The following COL19A1 variants were observed in gnomAD, a reference collection of about 807,000 sequenced individuals.
COL19A1 encodes the protein collagen type XIX alpha 1 chain.
A neutral mutation model predicts 190.2 loss-of-function variants in COL19A1; 159 were observed. That is an observed-to-expected ratio of 0.84 (90% confidence interval 0.73 to 0.95). The LOEUF is 0.95. COL19A1 is among the 40% of genes least tolerant of loss of function. COL19A1 has a pLI of 0.00. For synonymous variants in COL19A1, 509 were observed against 458.9 expected (o/e 1.11, Z -1.39); for missense variants, 1,418 against 1,431.9 (o/e 0.99, Z 0.16).
Position 69,938,193 on chromosome 6 carries a change from A to G in COL19A1, c.936+93A>G. 5 of 1,173,180 alleles carry G rather than the reference A, an allele frequency of 4.3e-6. No homozygotes were observed. In the South Asian group the frequency reaches 4.3e-5, roughly 10 times the overall value. The allele number at this position is 1,173,180 out of a possible 1,614,324, so 72.7% of individuals were successfully genotyped here. ...ATCTCATTTTTCTTTATTCTGTACAAATATATGTTTCTATAAAAGGCTATC... is the reference window on the plus strand; with the variant it reads ...ATCTCATTTTTCTTTATTCTGTACAGATATATGTTTCTATAAAAGGCTATC... On this transcript the variant is annotated intron_variant, in intron 9 of 50. Coordinates refer to ENST00000620364, the MANE Select transcript of COL19A1 (RefSeq NM_001858.6).
intron 18 of COL19A1, among the ~76,000 whole-genome samples, chr6:70,135,604 C>T (rs1785814973): frequency 6.6e-6 from 1 of 152,166 alleles, no homozygotes; most frequent in African/African-American, 2.4e-5. Context: ...AAGCCAATAA[C>T]TATGGCACCA....
chr6:69,989,688 C>T (rs951642349), intron 11 of COL19A1, among the ~76,000 whole-genome samples: 5 of 151,242 alleles, frequency 3.3e-5, no homozygotes, highest in Admixed American at 1.3e-4. Flanking sequence ...CTACCTAAAA[C>T]ATGGAAACTT....
At chr6:69,926,243 G>C (rs180751281) in intron 4 of COL19A1, among the ~76,000 whole-genome samples, 1 of 152,124 alleles carries the variant, frequency 6.6e-6, no homozygotes, top group Admixed American at 6.6e-5. Flanking sequence ...ACAATTAGAA[G>C]ATATGCAAAA....
At chr6:69,881,485 A>G (rs895008651) in intron 2 of COL19A1, among the ~76,000 whole-genome samples, 16 of 152,202 alleles carry the variant, frequency 1.1e-4, no homozygotes, top group Non-Finnish European at 2.4e-4. Flanking sequence ...CTAGAACGTA[A>G]TCATCTTGCA....
At chr6:70,128,564 C>T (rs1219528287) in intron 17 of COL19A1, among the ~76,000 whole-genome samples, 4 of 152,146 alleles carry the variant, frequency 2.6e-5, no homozygotes, top group African/African-American at 7.2e-5. Context: ...GTGGACTGAT[C>T]GGGGCCAGTG....
At chr6:69,901,314 A>T (rs1770174502) in intron 4 of COL19A1, among the ~76,000 whole-genome samples, 1 of 152,348 alleles carries the variant, frequency 6.6e-6, no homozygotes, top group Admixed American at 6.5e-5. Context: ...CCTTGCTCAG[A>T]CGTTCTGTGT....
At chr6:69,901,004 A>G (rs1265661274) in intron 4 of COL19A1, among the ~76,000 whole-genome samples, 1 of 152,238 alleles carries the variant, frequency 6.6e-6, no homozygotes, top group Non-Finnish European at 1.5e-5. Flanking sequence ...ATAGTTGGCA[A>G]TAATTAAAGG....
chr6:70,176,350 A>G (rs1376711580), intron 41 of COL19A1, among the ~76,000 whole-genome samples, 170 bp from the exon 42 acceptor site: 2 of 151,984 alleles, frequency 1.3e-5, no homozygotes, highest in African/African-American at 4.8e-5. Context: ...TTAGCTACTC[A>G]GTTTGCTATT....
chr6:69,895,361 A>G (rs1284560945), intron 2 of COL19A1, among the ~76,000 whole-genome samples: 1 of 152,206 alleles, frequency 6.6e-6, no homozygotes, highest in African/African-American at 2.4e-5. Flanking sequence ...CATTTCACTC[A>G]CCACTTCTTG....
intron 15 of COL19A1, among the ~76,000 whole-genome samples, chr6:70,099,479 G>A (rs927011656): frequency 1.3e-5 from 2 of 151,718 alleles, no homozygotes; most frequent in Non-Finnish European, 2.9e-5. Flanking sequence ...AAACATAAAT[G>A]AATTTTATGT....
At chr6:70,064,366 A>C (rs1272394612) in intron 14 of COL19A1, among the ~76,000 whole-genome samples, 1 of 152,190 alleles carries the variant, frequency 6.6e-6, no homozygotes, top group Non-Finnish European at 1.5e-5. Flanking sequence ...AAACCACATG[A>C]TTATCTCAAC....
At chr6:69,896,601 A>G (rs1057473421) in intron 2 of COL19A1, among the ~76,000 whole-genome samples, 1 of 150,678 alleles carries the variant, frequency 6.6e-6, no homozygotes, top group Non-Finnish European at 1.5e-5. Context: ...GAAGTGTACT[A>G]ATTTCCACTC....
intron 15 of COL19A1, among the ~76,000 whole-genome samples, chr6:70,072,374 G>C (rs1781611528): frequency 6.6e-6 from 1 of 152,014 alleles, no homozygotes; most frequent in African/African-American, 2.4e-5. Flanking sequence ...AGTTCCTCTA[G>C]GTCTCTGAAA....
intron 15 of COL19A1, among the ~76,000 whole-genome samples, 159 bp downstream of exon 15, chr6:70,068,635 G>T (rs1208814857): frequency 6.6e-6 from 1 of 151,760 alleles, no homozygotes; most frequent in Non-Finnish European, 1.5e-5. Context: ...TTTGACAGAG[G>T]TTTTGCAATT....
intron 6 of COL19A1, among the ~76,000 whole-genome samples, chr6:69,931,984 A>T (rs956506444): frequency 1.3e-5 from 2 of 152,076 alleles, no homozygotes; most frequent in African/African-American, 4.8e-5. Flanking sequence ...ATTGACCTCA[A>T]AATAATGCAT....
chr6:70,035,856 G>A (rs1300350017), intron 13 of COL19A1, 48 bp from the exon 14 acceptor site: 3 of 1,506,626 alleles, frequency 2.0e-6, no homozygotes, highest in African/African-American at 2.8e-5. Context: ...TAAATAATGT[G>A]CAAAAAGGGA....
chr6:70,107,222 A>G (rs1228633580), intron 16 of COL19A1, among the ~76,000 whole-genome samples: 1 of 152,094 alleles, frequency 6.6e-6, no homozygotes, highest in Non-Finnish European at 1.5e-5. Flanking sequence ...TTCAACTAAG[A>G]TTATTCTTCC....
chr6:70,080,148 TAG>T (rs1207815067), intron 15 of COL19A1, among the ~76,000 whole-genome samples: 2 of 152,224 alleles, frequency 1.3e-5, no homozygotes, highest in Non-Finnish European at 2.9e-5. Flanking sequence ...TCTTCTCATA[TAG>T]AAAGAATTTT....
chr6:69,921,093 CAT>C (rs1311722343), intron 4 of COL19A1, among the ~76,000 whole-genome samples: 11 of 89,136 alleles, frequency 1.2e-4, no homozygotes, highest in African/African-American at 1.7e-4. Flanking sequence ...TATTCATAGA[CAT>C]ATCATATATT....
Sources: gnomAD v4.1 joint callset for allele counts (sites outside exome capture counted in the v4.1 genomes callset) on GRCh38, gnomAD v4.1.1 for gene constraint, MANE v1.5 for transcripts, NCBI Gene and HGNC (gene_info 2026-07-23, HGNC 2026-07-21) for gene names.